Variants in WDR17 observed in about 807,000 individuals in gnomAD.
The protein encoded by WDR17 is WD repeat domain 17, also known as WD repeat-containing protein 17.
Under a neutral mutation model 161.7 loss-of-function variants are expected in WDR17, and 143 were observed. That is an observed-to-expected ratio of 0.88 (90% CI 0.77 to 1.02). WDR17 has a LOEUF of 1.02. WDR17 is among the 50% of genes least tolerant of loss of function. WDR17 has a pLI of 0.00. For synonymous variants in WDR17, 517 were observed against 515.6 expected, an observed-to-expected ratio of 1.00 and a Z score of -0.04; for missense variants, 1,469 against 1,520.9, an observed-to-expected ratio of 0.97 and a Z score of 0.57.
chr4:176,143,790 G>A lies in WDR17; in HGVS notation c.1529+1721G>A, dbSNP rs538354837. ...AGTCCTGCAGAAACCTTCTAAGTCA[G>A]TTCTACAGTTTACACCCTTTATCAT... is the stretch of plus-strand genomic sequence containing the variant. On this transcript the variant is annotated intron_variant, in intron 11 of 28. Transcript: ENST00000508596. Among the ~76,000 whole-genome samples, 3 of 152,060 alleles carry A rather than the reference G, an allele frequency of 2.0e-5. No individual in the cohort carries two copies. In the East Asian group the frequency reaches 5.8e-4, roughly 29 times the overall value.
intron 17 of WDR17, among the ~76,000 whole-genome samples, chr4:176,152,939 A>C (rs1199258388): frequency 6.6e-6 from 1 of 152,078 alleles, no homozygotes; most frequent in Non-Finnish European, 1.5e-5. Flanking sequence ...ATCTCAAAAA[A>C]AAAAAAAGGA....
Position 176,115,867 on chromosome 4 carries a change from T to G in WDR17, c.195T>G (p.Ile65Met), listed in dbSNP as rs1235859227. Residue 65 changes from isoleucine to methionine, a missense_variant, in exon 3 of 29, where the codon ATT becomes ATG. Coordinates refer to ENST00000508596, the MANE Select transcript of WDR17 (RefSeq NM_181265.4). Reference protein sequence around the residue: ...MSEHKKTITAISWCPHNPDLF... With the variant: ...MSEHKKTITAMSWCPHNPDLF... ...AACATAAAAAAACAATCACAGCAAT[T>G]TCTTGGTGTCCACATAATCCTGATC... 6.2e-7 allele frequency: 1 copy of G among 1,611,596 alleles called. No individual in the cohort carries two copies. Among genetic ancestry groups the G allele is most frequent in the Non-Finnish European group, 8.5e-7 (1 of 1,178,504 alleles).
chr4:176,083,390 T>C (rs893139456), intron 1 of WDR17, among the ~76,000 whole-genome samples: 10 of 152,164 alleles, frequency 6.6e-5, no homozygotes, highest in Non-Finnish European at 1.5e-4. Flanking sequence ...CAGCACTCAC[T>C]ACCACCACCA....
intron 22 of WDR17, 118 bp from the exon 23 acceptor site, chr4:176,168,554 T>C: frequency 8.3e-7 from 1 of 1,201,258 alleles, no homozygotes; most frequent in Non-Finnish European, 1.2e-6. Flanking sequence ...TAATACTGTT[T>C]GTGTAAATTA....
intron 1 of WDR17, among the ~76,000 whole-genome samples, chr4:176,085,468 A>T (rs1448351095): frequency 3.3e-5 from 5 of 152,096 alleles, no homozygotes; most frequent in African/African-American, 7.2e-5. Context: ...AAAGTTTTAC[A>T]TGTAGACTTA....
At position 176,154,870 on chromosome 4, in the gene WDR17, A is replaced by G. The variant is rs376322436; in HGVS notation, c.2461-1209A>G. Among the ~76,000 whole-genome samples the G allele has an allele frequency of 5.3e-5, 8 of 152,318 alleles. No individual in the cohort carries two copies. In the East Asian group the frequency reaches 1.3e-3, roughly 26 times the overall value. ...TGATATTTCAGAAAATTTTCCTCTCAGTTCCACTCTAGACTGGAATCCAAT... is the reference window on the plus strand; with the variant it reads ...TGATATTTCAGAAAATTTTCCTCTCGGTTCCACTCTAGACTGGAATCCAAT... On this transcript the variant is annotated intron_variant, in intron 17 of 28. Coordinates refer to ENST00000508596, the MANE Select transcript of WDR17 (RefSeq NM_181265.4).
Position 176,179,506 on chromosome 4 carries a change from A to G in WDR17, c.3779A>G (p.Asn1260Ser), listed in dbSNP as rs536009030. 13 of 1,607,552 alleles carry G rather than the reference A, an allele frequency of 8.1e-6. No individual in the cohort carries two copies. The South Asian group carries it at 1.2e-4, about 15-fold the overall frequency. Residue 1260 changes from asparagine (N) to serine (S), a missense_variant, in exon 29 of 29, where the codon AAT becomes AGT. Transcript: ENST00000508596. The part of the protein sequence containing the change: ...LEDGKSAISL[N>S]DALMWAKVNP... ...GACGGGAAATCTGCTATCTCCTTGAATGATGCTTTGATGTGGGCAAAGGTG... is the reference window on the plus strand; with the variant it reads ...GACGGGAAATCTGCTATCTCCTTGAGTGATGCTTTGATGTGGGCAAAGGTG...
At chr4:176,074,121 A>C (rs999126338) in intron 1 of WDR17, among the ~76,000 whole-genome samples, 31 of 151,752 alleles carry the variant, frequency 2.0e-4, no homozygotes, top group African/African-American at 3.4e-4. Flanking sequence ...TCCCATTTGT[A>C]AATTTTGGCT....
At chr4:176,137,252 T>C (rs1265328463) in intron 8 of WDR17, among the ~76,000 whole-genome samples, 1 of 151,568 alleles carries the variant, frequency 6.6e-6, no homozygotes, top group African/African-American at 2.4e-5. Flanking sequence ...TGAAATAATA[T>C]GCTGTCAGAG....
At chr4:176,178,430 C>T (rs1457097510) in intron 28 of WDR17, among the ~76,000 whole-genome samples, 2 of 152,110 alleles carry the variant, frequency 1.3e-5, no homozygotes, top group African/African-American at 4.8e-5. Flanking sequence ...ATTTCTAGTA[C>T]GTGGTACCTT....
intron 23 of WDR17, among the ~76,000 whole-genome samples, chr4:176,170,748 G>A (rs1391071765): frequency 3.3e-5 from 5 of 152,202 alleles, no homozygotes; most frequent in African/African-American, 1.2e-4. Flanking sequence ...GATATAATTA[G>A]ACTTTCTGTT....
intron 1 of WDR17, chr4:176,096,567 G>C: frequency 1.9e-6 from 3 of 1,600,200 alleles, no homozygotes; most frequent in African/African-American, 1.4e-5. Context: ...AAGATGATTG[G>C]TATGAAGGAC....
At chr4:176,177,700 A>G (rs368131180) in intron 28 of WDR17, 46 bp downstream of exon 28, 4 of 1,520,492 alleles carry the variant, frequency 2.6e-6, no homozygotes, top group Non-Finnish European at 3.5e-6. Flanking sequence ...ACCATTTTAC[A>G]TGTTTACTTT....
At position 176,180,977 on chromosome 4, in the gene WDR17, A is replaced by G. The variant is rs1752101390; in HGVS notation, c.*1398A>G. On this transcript the variant is annotated 3_prime_UTR_variant, in exon 29 of 29. Coordinates refer to ENST00000508596, the MANE Select transcript of WDR17 (RefSeq NM_181265.4). ...TTGTTTCACAAGATTTATAATATAGATGGTTTTGTTTGACTAAAGAATAAT... is the reference window on the plus strand; with the variant it reads ...TTGTTTCACAAGATTTATAATATAGGTGGTTTTGTTTGACTAAAGAATAAT... 6.6e-6 allele frequency: 1 copy of G among 152,170 alleles called. No homozygotes were observed. Among genetic ancestry groups the G allele is most frequent in the South Asian group, 2.1e-4 (1 of 4,830 alleles). 9.4% of individuals were successfully genotyped at this position (152,170 alleles called of 1,614,324 possible).
rs72706341 is a variant in WDR17, at chr4:176,085,968, T to C, written c.-7+19889T>C. On this transcript the variant is annotated intron_variant, in intron 1 of 28. Transcript: ENST00000508596. ...ATCCTCCCCCACTCAAGCATTAATC[T>C]AGCTGCAACCCACAAATTTCTATGT... is the stretch of plus-strand genomic sequence containing the variant. 4.8e-3 allele frequency among the ~76,000 whole-genome samples: 729 copies of C among 152,128 alleles called. 1 individual carries two copies. The highest frequency in any genetic ancestry group is 0.014 in the Middle Eastern group (4 of 294).
intron 1 of WDR17, among the ~76,000 whole-genome samples, chr4:176,071,376 G>A (rs1733222092): frequency 6.7e-6 from 1 of 150,126 alleles, no homozygotes; most frequent in Non-Finnish European, 1.5e-5. Context: ...AGGCTGGAGT[G>A]CAGTGACACG....
intron 17 of WDR17, among the ~76,000 whole-genome samples, chr4:176,155,096 T>C (rs10012282): frequency 0.05 from 7,582 of 152,200 alleles, 583 homozygotes; most frequent in African/African-American, 0.16. Flanking sequence ...TAAGTAGCAG[T>C]GAAATAAAAA....
At chr4:176,156,846 C>T (rs753365543) in intron 18 of WDR17, among the ~76,000 whole-genome samples, 19 of 152,086 alleles carry the variant, frequency 1.2e-4, no homozygotes, top group Non-Finnish European at 1.0e-4. Context: ...TGTCTGGTTG[C>T]GTGCAGTCCT....
chr4:176,084,758 A>G (rs1021596966), intron 1 of WDR17, among the ~76,000 whole-genome samples: 1 of 146,954 alleles, frequency 6.8e-6, no homozygotes, highest in African/African-American at 2.5e-5. Flanking sequence ...GAGATTATAT[A>G]TATATATTAT....
Sources: gnomAD v4.1 joint callset for allele counts (sites outside exome capture counted in the v4.1 genomes callset) on GRCh38, gnomAD v4.1.1 for gene constraint, MANE v1.5 for transcripts, NCBI Gene and HGNC (gene_info 2026-07-23, HGNC 2026-07-21) for gene names.